The following GRIN2B variants were observed in gnomAD, a reference collection of about 807,000 sequenced individuals.
GRIN2B encodes the protein glutamate receptor ionotropic, NMDA 2B.
A neutral mutation model predicts 114.5 loss-of-function variants in GRIN2B; 5 were observed. The observed-to-expected ratio is 0.04, with a 90% CI of 0.02 to 0.09. The LOEUF is 0.09. Ranked by LOEUF, GRIN2B falls within the 10% of genes least tolerant of loss-of-function variation. The pLI, the probability that GRIN2B is intolerant of heterozygous loss-of-function variation, is 1.00. For synonymous variants in GRIN2B, 787 were observed against 745.1 expected, an observed-to-expected ratio of 1.06 and a Z score of -0.92; for missense variants, 1,108 against 1,943.5, an observed-to-expected ratio of 0.57 and a Z score of 8.08.
intron 2 of GRIN2B, among the ~76,000 whole-genome samples, chr12:13,916,737 TTGTGTGTGTG>T (rs57501769): frequency 7.1e-6 from 1 of 139,900 alleles, no homozygotes; most frequent in African/African-American, 2.6e-5. Context: ...ACACACACAT[TTGTGTGTGTG>T]TGTGTGTGTG....
chr12:13,811,522 A>G (rs1186457814), intron 3 of GRIN2B, among the ~76,000 whole-genome samples: 1 of 152,216 alleles, frequency 6.6e-6, no homozygotes, highest in East Asian at 1.9e-4. Context: ...GCGAGGCTGC[A>G]GTGTGCCATT....
chr12:13,582,695 C>T (rs1948868765), intron 10 of GRIN2B, among the ~76,000 whole-genome samples: 1 of 151,730 alleles, frequency 6.6e-6, no homozygotes, highest in Non-Finnish European at 1.5e-5. Context: ...TTTTGTGCCT[C>T]TCTGAACTCA....
At chr12:13,755,509 G>A (rs571454635) in intron 3 of GRIN2B, among the ~76,000 whole-genome samples, 1 of 152,186 alleles carries the variant, frequency 6.6e-6, no homozygotes, top group Admixed American at 6.5e-5. Context: ...TGGACTTAAA[G>A]ATACAGTTGA....
intron 10 of GRIN2B, among the ~76,000 whole-genome samples, chr12:13,604,357 C>T (rs1381875333): frequency 6.6e-6 from 1 of 152,160 alleles, no homozygotes; most frequent in Non-Finnish European, 1.5e-5. Context: ...TCTACCTTAA[C>T]ACAAATGAAA....
At chr12:13,665,907 T>G (rs1032422508) in intron 5 of GRIN2B, among the ~76,000 whole-genome samples, 13 of 152,210 alleles carry the variant, frequency 8.5e-5, no homozygotes, top group Non-Finnish European at 1.2e-4. Context: ...ATATTCACTA[T>G]GAATTTTACC....
At position 13,554,515 on chromosome 12, in the gene GRIN2B, A is replaced by G. The variant is rs1591599592; in HGVS notation, c.*8268T>C. ...GGTAGGGAAAGGTGAAACAAATGTT[A>G]TTCAGCTTGTCTGGATTATGGGACA... On this transcript the variant is annotated 3_prime_UTR_variant, in exon 14 of 14. Coordinates refer to ENST00000609686, the MANE Select transcript of GRIN2B (RefSeq NM_000834.5). 6.6e-6 allele frequency: 1 copy of G among 152,150 alleles called. No homozygotes were observed. The highest frequency in any genetic ancestry group is 2.1e-4 in the South Asian group (1 of 4,838). 9.4% of individuals were successfully genotyped at this position (152,150 alleles called of 1,614,324 possible).
At chr12:13,967,199 G>A (rs1867803943) in intron 2 of GRIN2B, among the ~76,000 whole-genome samples, 1 of 152,158 alleles carries the variant, frequency 6.6e-6, no homozygotes, top group Admixed American at 6.5e-5. Flanking sequence ...GAAGAAAGAG[G>A]TCCACAAATC....
At chr12:13,941,060 C>T (rs1867239721) in intron 2 of GRIN2B, among the ~76,000 whole-genome samples, 1 of 71,164 alleles carries the variant, frequency 1.4e-5, no homozygotes, top group African/African-American at 5.7e-5. Flanking sequence ...AGCAGACACA[C>T]ATATGTTCAC....
chr12:13,611,932 T>C (rs1178730309), intron 8 of GRIN2B, 82 bp from the exon 9 acceptor site: 1 of 1,440,998 alleles, frequency 6.9e-7, no homozygotes, highest in Non-Finnish European at 9.8e-7. Context: ...CATTTCATAT[T>C]TTAGGGGGTG....
In GRIN2B at chr12:13,567,087, A is replaced by G. The variant is rs764400458; in HGVS notation, c.2536T>C (p.Phe846Leu). The G allele has an allele frequency of 1.2e-6, 2 of 1,614,226 alleles. No individual in the cohort carries two copies. Among genetic ancestry groups the G allele is most frequent in the Admixed American group, 3.3e-5 (2 of 60,024 alleles). ...FICEHLFYWQ[F>L]RHCFMGVCSG... is the part of the protein sequence containing the mutation. ...CAGACACCCATAAAGCAATGTCGGA[A>G]CTGCCAATAGAAAAGGTGTTCGCAG... The change falls in exon 13 of 14, where the codon TTC becomes CTC. Residue 846 changes from phenylalanine (F) to leucine (L), a missense_variant. By Grantham distance (22) the Phe-to-Leu change is conservative. This residue lies in a region of GRIN2B where 30 missense variants were observed against 35.9 expected (regional missense o/e 0.84). Transcript: ENST00000609686.
chr12:13,889,315 G>C (rs1866219457), intron 2 of GRIN2B, among the ~76,000 whole-genome samples: 1 of 152,130 alleles, frequency 6.6e-6, no homozygotes, highest in South Asian at 2.1e-4. Flanking sequence ...TTATGCAGCA[G>C]CACACAATTG....
intron 5 of GRIN2B, among the ~76,000 whole-genome samples, chr12:13,635,243 C>T (rs1012566785): frequency 1.3e-5 from 2 of 152,164 alleles, no homozygotes; most frequent in African/African-American, 4.8e-5. Flanking sequence ...GAGGAAACCT[C>T]TTCACACTGA....
At chr12:13,781,310 A>T (rs1416968684) in intron 3 of GRIN2B, among the ~76,000 whole-genome samples, 1 of 152,264 alleles carries the variant, frequency 6.6e-6, no homozygotes, top group Non-Finnish European at 1.5e-5. Flanking sequence ...TGTGAAACCA[A>T]CTTCATAAAG....
intron 2 of GRIN2B, among the ~76,000 whole-genome samples, chr12:13,920,841 T>C (rs570678093): frequency 5.3e-4 from 80 of 152,284 alleles, no homozygotes; most frequent in African/African-American, 1.8e-3. Flanking sequence ...AAAGATTGTG[T>C]AAACCTTGAA....
intron 5 of GRIN2B, among the ~76,000 whole-genome samples, chr12:13,630,944 C>T (rs1003390478): frequency 3.3e-5 from 5 of 152,048 alleles, no homozygotes; most frequent in South Asian, 2.1e-4. Context: ...TGGTGGAAAG[C>T]GAAGGGGAAG....
At chr12:13,766,741 T>G (rs930950483) in intron 3 of GRIN2B, among the ~76,000 whole-genome samples, 13 of 152,208 alleles carry the variant, frequency 8.5e-5, no homozygotes, top group Non-Finnish European at 1.6e-4. Context: ...GCAAATTGAT[T>G]TTGTTAAGAT....
Position 13,615,665 on chromosome 12 carries a change from C to T in GRIN2B, c.1329-1G>A, listed in dbSNP as rs1401456072. 1 of 1,612,556 alleles carries T rather than the reference C, an allele frequency of 6.2e-7. No individual in the cohort carries two copies. Reference sequence around the variant, plus strand: ...ACCCGGCTCCTCGTCTGTTTTATTCCTAGCCAATTAAAGAAACAAAAACAA... The same window carrying T: ...ACCCGGCTCCTCGTCTGTTTTATTCTTAGCCAATTAAAGAAACAAAAACAA... On this transcript the variant is annotated splice_acceptor_variant, in intron 6 of 13. Coordinates refer to ENST00000609686, the MANE Select transcript of GRIN2B (RefSeq NM_000834.5). LOFTEE classifies it high-confidence loss of function. The surrounding 1 kb of genome is among the most constrained non-coding windows in gnomAD (Gnocchi z 5.8).
chr12:13,557,668 T>A lies in GRIN2B; in HGVS notation c.*5115A>T, dbSNP rs1001985760. ...CCAGGAGTCCTATTTAGGTGTCAAA[T>A]GAGGCTTAAATAAAAGCAGGCGGAG... On this transcript the variant is annotated 3_prime_UTR_variant, in exon 14 of 14. Transcript: ENST00000609686. 1 of 152,208 alleles carries A rather than the reference T, an allele frequency of 6.6e-6. No individual in the cohort carries two copies. Among genetic ancestry groups the A allele is most frequent in the African/African-American group, 2.4e-5 (1 of 41,462 alleles). 9.4% of individuals were successfully genotyped at this position (152,208 alleles called of 1,614,324 possible).
At chr12:13,637,827 G>A (rs1482260058) in intron 5 of GRIN2B, among the ~76,000 whole-genome samples, 1 of 151,982 alleles carries the variant, frequency 6.6e-6, no homozygotes, top group Non-Finnish European at 1.5e-5. Context: ...TCCCTTTACT[G>A]TCTACTTTGT....
Sources: gnomAD v4.1 joint callset for allele counts (sites outside exome capture counted in the v4.1 genomes callset) on GRCh38, gnomAD v4.1.1 for gene constraint, gnomAD v4.1.1 regional missense constraint, Gnocchi (gnomAD v3.1) non-coding constraint, MANE v1.5 for transcripts, NCBI Gene and HGNC (gene_info 2026-07-23, HGNC 2026-07-21) for gene names.